Variants in PPP2R5C observed in about 807,000 individuals in gnomAD.
PPP2R5C encodes protein phosphatase 2 regulatory subunit B'gamma.
In PPP2R5C, 7 loss-of-function variants were observed where a neutral mutation model predicts 68.9. The ratio of observed to expected loss-of-function variants is 0.10; its 90% confidence interval spans 0.06 to 0.19. The LOEUF (loss-of-function observed/expected upper bound fraction) is 0.19. Among genes scored for constraint, PPP2R5C ranks in the 10% least tolerant of loss-of-function variants. The probability of loss-of-function intolerance (pLI) is 1.00; values close to 1 mark genes in which losing one functional copy is unlikely to be tolerated. For synonymous variants in PPP2R5C, 210 were observed against 222.2 expected (o/e 0.95, Z 0.49); for missense variants, 348 against 641.3 (o/e 0.54, Z 4.94).
chr14:101,806,198 C>T (rs940416556), upstream of PPP2R5C, among the ~76,000 whole-genome samples: 6 of 151,920 alleles, frequency 3.9e-5, no homozygotes, highest in African/African-American at 1.5e-4. Flanking sequence ...CCTATCAACC[C>T]GTCATCTAGG....
Position 101,882,519 on chromosome 14 carries a change from T to C in PPP2R5C, c.405+248T>C, listed in dbSNP as rs1341323915. On this transcript the variant is annotated intron_variant, in intron 3 of 13. Transcript: ENST00000334743. This position sits in a 1 kb window ranked among gnomAD's most constrained non-coding sequence, Gnocchi z 4.9. ...GTTCTCAGTGAAGATGGCCGCTGTG[T>C]TGATGGCCGTTGAATTGAATTCAGG... is the stretch of plus-strand genomic sequence containing the variant. 1 of 339,182 alleles carries C rather than the reference T, an allele frequency of 2.9e-6. No individual in the cohort carries two copies. Among genetic ancestry groups the C allele is most frequent in the Non-Finnish European group, 5.3e-6 (1 of 187,466 alleles). The allele number at this position is 339,182 out of a possible 1,614,324, so 21.0% of individuals were successfully genotyped here.
At chr14:101,840,647 G>T (rs1169274294) in intron 1 of PPP2R5C, among the ~76,000 whole-genome samples, 1 of 152,074 alleles carries the variant, frequency 6.6e-6, no homozygotes, top group African/African-American at 2.4e-5. Context: ...GACCTAGTGG[G>T]TACATCTGTA....
intron 1 of PPP2R5C, among the ~76,000 whole-genome samples, chr14:101,853,540 C>T (rs1008691669): frequency 1.2e-4 from 18 of 152,162 alleles, no homozygotes; most frequent in African/African-American, 4.3e-4. Context: ...TTCTGAGTAT[C>T]AGTTACTGTG....
chr14:101,841,877 G>A (rs945560226), intron 1 of PPP2R5C, among the ~76,000 whole-genome samples: 1 of 152,178 alleles, frequency 6.6e-6, no homozygotes, highest in Non-Finnish European at 1.5e-5. Flanking sequence ...TAGTCTGGAA[G>A]GTGGGGAGCG....
chr14:101,823,298 G>C (rs947342310), intron 1 of PPP2R5C, among the ~76,000 whole-genome samples: 1 of 152,098 alleles, frequency 6.6e-6, no homozygotes. Flanking sequence ...AACCCGGGCC[G>C]AGCAGTTCAG....
At chr14:101,880,994 G>A (rs2044137401) in intron 2 of PPP2R5C, among the ~76,000 whole-genome samples, 1 of 152,042 alleles carries the variant, frequency 6.6e-6, no homozygotes, top group African/African-American at 2.4e-5. Context: ...GTGGGACTGG[G>A]GTTGTGATCA....
At chr14:101,911,929 T>C (rs56403818) in intron 11 of PPP2R5C, among the ~76,000 whole-genome samples, 21,556 of 151,652 alleles carry the variant, frequency 0.14, 2,371 homozygotes, top group East Asian at 0.3. Context: ...TTGAAAGTCA[T>C]GTGACTCGCA....
chr14:101,874,639 A>G (rs766418224), intron 2 of PPP2R5C, among the ~76,000 whole-genome samples: 1 of 152,236 alleles, frequency 6.6e-6, no homozygotes, highest in Admixed American at 6.5e-5. Flanking sequence ...TTATCTGAAG[A>G]TGATCTTGTT....
intron 2 of PPP2R5C, among the ~76,000 whole-genome samples, chr14:101,768,333 G>A (rs1275185853): frequency 6.6e-6 from 1 of 152,126 alleles, no homozygotes; most frequent in African/African-American, 2.4e-5. Flanking sequence ...ACACAGAAGG[G>A]AGATCACTCC....
chr14:101,775,529 A>C (rs1029630112), intron 2 of PPP2R5C, among the ~76,000 whole-genome samples: 1 of 152,192 alleles, frequency 6.6e-6, no homozygotes, highest in Non-Finnish European at 1.5e-5. Context: ...TGTCTCTGTT[A>C]GAAACTAATG....
chr14:101,907,911 C>A (rs140398896), intron 10 of PPP2R5C, among the ~76,000 whole-genome samples: 1 of 152,314 alleles, frequency 6.6e-6, no homozygotes, highest in East Asian at 1.9e-4. Context: ...CTGAGCCAGA[C>A]CCCCGAGCGA....
chr14:101,782,132 C>T, intron 2 of PPP2R5C, among the ~76,000 whole-genome samples: 1 of 70,678 alleles, frequency 1.4e-5, no homozygotes, highest in Non-Finnish European at 2.9e-5. Flanking sequence ...TCTTCCCCTC[C>T]CCCTCCCCAT....
intron 1 of PPP2R5C, among the ~76,000 whole-genome samples, chr14:101,832,378 G>T (rs1005378800): frequency 1.3e-5 from 2 of 152,134 alleles, no homozygotes; most frequent in African/African-American, 4.8e-5. Context: ...TATATAATTA[G>T]CACATCAAAT....
chr14:101,768,891 C>T lies in PPP2R5C; in HGVS notation c.93+5921C>T, dbSNP rs1201233661. On this transcript the variant is annotated intron_variant, in intron 2 of 14. Transcript: ENST00000328724. ...CCAGGCTGGAGTGCAGTGGCGCAAT[C>T]TCCGCTCACTGCCAGCTCCGCCTCC... 3.3e-5 allele frequency among the ~76,000 whole-genome samples: 5 copies of T among 150,732 alleles called. 1 individual carries two copies. Among genetic ancestry groups the T allele is most frequent in the Non-Finnish European group, 7.4e-5 (5 of 67,840 alleles).
chr14:101,775,825 C>A (rs569147628), intron 2 of PPP2R5C, among the ~76,000 whole-genome samples: 2 of 152,270 alleles, frequency 1.3e-5, no homozygotes, highest in African/African-American at 4.8e-5. Context: ...TCCTTGTCTC[C>A]AGACACCCCC....
rs537859132 is a variant in PPP2R5C at position 101,860,740 on chromosome 14, T to C, written c.294+3855T>C. On this transcript the variant is annotated intron_variant, in intron 2 of 13. Coordinates refer to ENST00000334743, the Ensembl canonical transcript of PPP2R5C. Reference sequence around the variant, plus strand: ...CCTAGTGGGTGTGAAGTGTACCTCATTGTGGTTTTGATGTGCATTTCTCGA... The same window carrying C: ...CCTAGTGGGTGTGAAGTGTACCTCACTGTGGTTTTGATGTGCATTTCTCGA... 2.0e-4 allele frequency among the ~76,000 whole-genome samples: 30 copies of C among 152,338 alleles called. 1 individual carries two copies. Among genetic ancestry groups the C allele is most frequent in the Non-Finnish European group, 4.3e-4 (29 of 68,026 alleles).
chr14:101,922,833 AT>A (rs2047087242), intron 13 of PPP2R5C, among the ~76,000 whole-genome samples: 1 of 151,986 alleles, frequency 6.6e-6, no homozygotes, highest in Non-Finnish European at 1.5e-5. Flanking sequence ...TAAAAAAAAA[AT>A]TTTAAAGAAA....
Position 101,762,895 on chromosome 14 carries a change from T to C in PPP2R5C, c.28-10T>C. 2 of 1,577,740 alleles carry C rather than the reference T, an allele frequency of 1.3e-6. No homozygotes were observed. Among genetic ancestry groups the C allele is most frequent in the Non-Finnish European group, 1.7e-6 (2 of 1,160,678 alleles). ...GAGAAGACTAATTGACTTTGCTTGA[T>C]GTTTACCAGGAATCACCAAAAGCAG... is the stretch of plus-strand genomic sequence containing the variant. On this transcript the variant is annotated splice_polypyrimidine_tract_variant and intron_variant, in intron 1 of 14. Coordinates refer to the PPP2R5C transcript ENST00000328724.
chr14:101,798,845 G>A (rs1194028456), intron 3 of PPP2R5C, among the ~76,000 whole-genome samples: 1 of 152,202 alleles, frequency 6.6e-6, no homozygotes. Flanking sequence ...AGGTAGGCAT[G>A]TCACAGGAGG....
Sources: allele counts gnomAD v4.1 joint callset (sites outside exome capture counted in the v4.1 genomes callset), GRCh38; gene constraint gnomAD v4.1.1; non-coding constraint Gnocchi (gnomAD v3.1); transcripts MANE v1.5; gene names NCBI Gene and HGNC (gene_info 2026-07-23, HGNC 2026-07-21).